Variants in CLN6 observed in about 807,000 individuals in gnomAD.
The protein encoded by CLN6 is ceroid-lipofuscinosis neuronal protein 6.
Under a neutral mutation model 33.3 loss-of-function variants are expected in CLN6, and 22 were observed. That is an observed-to-expected ratio of 0.66 (90% CI 0.47 to 0.94). CLN6 has a LOEUF of 0.94. CLN6 is among the 40% of genes least tolerant of loss of function. CLN6 has a pLI of 0.00. For synonymous variants in CLN6, 201 were observed against 174.6 expected (o/e 1.15, Z -1.19); for missense variants, 387 against 417.1 (o/e 0.93, Z 0.63).
upstream of CLN6, among the ~76,000 whole-genome samples, chr15:68,231,279 C>G (rs2093268214): frequency 1.3e-5 from 2 of 152,100 alleles, no homozygotes; most frequent in Admixed American, 1.3e-4. Context: ...CGCCCCTGGT[C>G]CCCTGAAGAA....
Position 68,210,587 on chromosome 15 carries a change from C to T in CLN6, c.542+676G>A, listed in dbSNP as rs1018388244. Among the ~76,000 whole-genome samples, 7 of 152,284 alleles carry T rather than the reference C, an allele frequency of 4.6e-5. No individual in the cohort carries two copies. Among genetic ancestry groups the T allele is most frequent in the East Asian group, 3.9e-4 (2 of 5,174 alleles). On this transcript the variant is annotated intron_variant, in intron 5 of 6. Transcript: ENST00000249806. This position sits in a 1 kb window ranked among gnomAD's most constrained non-coding sequence, Gnocchi z 5.6. ...GCCCTCACCTCCCAGCTGCAGCCTT[C>T]GGAGCCCTCCTCCCTCTGGCCTCAG...
rs574569363 is a variant in CLN6, at chr15:68,209,962, G to A, written c.543-203C>T. Among the ~76,000 whole-genome samples, 19 of 152,210 alleles carry A rather than the reference G, an allele frequency of 1.2e-4. No individual in the cohort carries two copies. Among genetic ancestry groups the A allele is most frequent in the African/African-American group, 4.6e-4 (19 of 41,522 alleles). On this transcript the variant is annotated intron_variant, in intron 5 of 6. Transcript: ENST00000249806. The surrounding 1 kb of genome is among the most constrained non-coding windows in gnomAD (Gnocchi z 4.9). The stretch of plus-strand genomic sequence containing the variant: ...ACAGAAACAGAAACAGGAAGGCAAC[G>A]CACGTGTGAGTCAGAGGCCCAGAGG...
At chr15:68,214,417 C>T in intron 2 of CLN6, 29 bp from the exon 3 acceptor site, 1 of 1,567,354 alleles carries the variant, frequency 6.4e-7, no homozygotes, top group South Asian at 1.1e-5. Flanking sequence ...AATGGGCTCA[C>T]CTGGGCACAG....
chr15:68,235,084 G>C (rs1469061266), intron 1 of CLN6, among the ~76,000 whole-genome samples: 1 of 152,138 alleles, frequency 6.6e-6, no homozygotes, highest in Non-Finnish European at 1.5e-5. Context: ...CAATTCCTGT[G>C]TGCTAAACCC....
At position 68,218,635 on chromosome 15, in the gene CLN6, G is replaced by A. The variant is rs752449801; in HGVS notation, c.99C>T (p.Ser33=). ...SFLQARHGSV[S]ADEAARTAPF... ...GAGCCGTGCGGGCAGCCTCATCAGC[G>A]CTCACAGAGCCATGCCTGGGAAGGA... The change falls in exon 2 of 7, where the codon AGC becomes AGT. Residue 33 remains serine (S), a synonymous_variant. Transcript: ENST00000249806. 35 of 1,613,236 alleles carry A rather than the reference G, an allele frequency of 2.2e-5. No individual in the cohort carries two copies. The highest frequency in any genetic ancestry group is 4.5e-5 in the East Asian group (2 of 44,880).
upstream of CLN6, among the ~76,000 whole-genome samples, chr15:68,233,525 A>T (rs573828850): frequency 2.6e-3 from 402 of 152,286 alleles, 3 homozygotes; most frequent in African/African-American, 9.2e-3. The surrounding 1 kb of genome is among the most constrained non-coding windows in gnomAD (Gnocchi z 4.3). Flanking sequence ...CTCCACTCCT[A>T]ATCCAGTACC....
chr15:68,226,503 G>C lies in CLN6; in HGVS notation c.83+2999C>G, dbSNP rs567492293. Among the ~76,000 whole-genome samples, 7 of 151,902 alleles carry C rather than the reference G, an allele frequency of 4.6e-5. 1 individual carries two copies. The South Asian group carries it at 1.5e-3, about 32-fold the overall frequency. ...TTTTTTGAGACGGAGTCTCACTCTT[G>C]TTGCCCAGGCTGGAGTATAATGGCG... On this transcript the variant is annotated intron_variant, in intron 1 of 6. Transcript: ENST00000249806.
At chr15:68,248,930 A>G (rs1260284074) in intron 1 of CLN6, among the ~76,000 whole-genome samples, 1 of 152,224 alleles carries the variant, frequency 6.6e-6, no homozygotes, top group Non-Finnish European at 1.5e-5. Context: ...ACCAGAATAT[A>G]CAAGGAACTC....
rs1567094814 is a variant in CLN6 at position 68,208,775 on chromosome 15, C to CG, written c.666-366dup. On this transcript the variant is annotated intron_variant, in intron 6 of 6. Transcript: ENST00000249806. This position sits in a 1 kb window ranked among gnomAD's most constrained non-coding sequence, Gnocchi z 5.8. Reference sequence around the variant, plus strand: ...GGCAGCCACCCCCGCGGCAGGATGCCGGGGTAAGAACCAGCAGGAAGCGCT... The same window carrying CG: ...GGCAGCCACCCCCGCGGCAGGATGCCGGGGGTAAGAACCAGCAGGAAGCGCT... Among the ~76,000 whole-genome samples, 1 of 152,232 alleles carries CG rather than the reference C, an allele frequency of 6.6e-6. No individual in the cohort carries two copies. Among genetic ancestry groups the CG allele is most frequent in the African/African-American group, 2.4e-5 (1 of 41,446 alleles).
chr15:68,240,257 G>C (rs1892269194), intron 1 of CLN6, among the ~76,000 whole-genome samples: 1 of 152,042 alleles, frequency 6.6e-6, no homozygotes. Flanking sequence ...AAATATAAAG[G>C]AAAAATTAAT....
rs911184396 is a variant in CLN6, at chr15:68,220,994, TTTATTTTA to T, written c.84-2352_84-2345del. Among the ~76,000 whole-genome samples the T allele has an allele frequency of 2.0e-5, 2 of 97,940 alleles. No individual in the cohort carries two copies. The highest frequency in any genetic ancestry group is 4.0e-5 in the Non-Finnish European group (2 of 50,364). The allele number at this position is 97,940 out of a possible 152,430, so 64.3% of individuals were successfully genotyped here. A position where few individuals can be genotyped will look rare whatever the true frequency, so the allele number is the denominator to read the frequency against. On this transcript the variant is annotated intron_variant, in intron 1 of 6. Coordinates refer to ENST00000249806, the MANE Select transcript of CLN6 (RefSeq NM_017882.3). This position sits in a 1 kb window ranked among gnomAD's most constrained non-coding sequence, Gnocchi z 4.2. The stretch of plus-strand genomic sequence containing the variant: ...GTGCATGCCACTATGCCCAGCTAAT[TTTATTTTA>T]TTATTATTATTATTATTATTATTAT...
rs937868616 is a variant in CLN6 at position 68,246,461 on chromosome 15, G to A, written c.179+10229C>T. ...CATAGAAATTAAACAACTTACTCCT[G>A]AACAACCAATGGGTCAATGAAGAAA... On this transcript the variant is annotated intron_variant, in intron 1 of 6. Transcript: ENST00000538696. This position sits in a 1 kb window ranked among gnomAD's most constrained non-coding sequence, Gnocchi z 4.5. Among the ~76,000 whole-genome samples, 1 of 151,830 alleles carries A rather than the reference G, an allele frequency of 6.6e-6. No homozygotes were observed. Among genetic ancestry groups the A allele is most frequent in the African/African-American group, 2.4e-5 (1 of 41,276 alleles).
rs1249522942 is a variant in CLN6, at chr15:68,256,765, C to G, written c.104G>C (p.Arg35Pro). The G allele has an allele frequency of 1.4e-6, 1 of 701,994 alleles. No homozygotes were observed. The highest frequency in any genetic ancestry group is 2.3e-4 in the Middle Eastern group (1 of 4,364). 43.5% of individuals were successfully genotyped at this position (701,994 alleles called of 1,614,324 possible). A position where few individuals can be genotyped will look rare whatever the true frequency, so the allele number is the denominator to read the frequency against. ...CGCCTGCGCCAGTGGCTTGAAGGCT[C>G]GGCTCAAGCCCGCCTCGCCTCCCTC... is the stretch of plus-strand genomic sequence containing the variant. Residue 35 changes from arginine (R) to proline (P), a missense_variant, in exon 1 of 7, where the codon CGA becomes CCA. Arg to Pro is a moderately radical substitution (Grantham distance 103). Transcript: ENST00000538696. The surrounding 1 kb of genome is among the most constrained non-coding windows in gnomAD (Gnocchi z 4.1).
At chr15:68,218,734 T>G in intron 1 of CLN6, 84 bp from the exon 2 acceptor site, 1 of 1,007,776 alleles carries the variant, frequency 9.9e-7, no homozygotes, top group East Asian at 2.5e-5. Context: ...CAAAGAGGTC[T>G]GGGGACTTGA....
At chr15:68,254,364 C>G (rs1265430920) in intron 1 of CLN6, among the ~76,000 whole-genome samples, 1 of 152,162 alleles carries the variant, frequency 6.6e-6, no homozygotes, top group Non-Finnish European at 1.5e-5. Context: ...CAGCTTCACT[C>G]TCTAGACTTG....
Position 68,208,154 on chromosome 15 carries a change from T to C in CLN6, c.922A>G (p.Ser308Gly). Residue 308 changes from serine (S) to glycine (G), a missense_variant, in exon 7 of 7, where the codon AGC becomes GGC. By Grantham distance (56) the Ser-to-Gly change is moderately conservative. Transcript: ENST00000249806. This position sits in a 1 kb window ranked among gnomAD's most constrained non-coding sequence, Gnocchi z 5.8. Reference sequence around the variant, plus strand: ...GTGCCAGGGACTCAGTGCCGACTGCTGACGTGAAGGGTGTAGAAAGCCCAG... The same window carrying C: ...GTGCCAGGGACTCAGTGCCGACTGCCGACGTGAAGGGTGTAGAAAGCCCAG... ...EPWAFYTLHV[S>G]SRH 1 of 1,426,150 alleles carries C rather than the reference T, an allele frequency of 7.0e-7. No homozygotes were observed. Among genetic ancestry groups the C allele is most frequent in the Admixed American group, 1.9e-5 (1 of 53,786 alleles). The allele number at this position is 1,426,150 out of a possible 1,614,324, so 88.3% of individuals were successfully genotyped here. A position where few individuals can be genotyped will look rare whatever the true frequency, so the allele number is the denominator to read the frequency against.
chr15:68,231,381 A>G (rs571754432), upstream of CLN6, among the ~76,000 whole-genome samples: 1 of 152,358 alleles, frequency 6.6e-6, no homozygotes, highest in Admixed American at 6.5e-5. Flanking sequence ...TGTAGCAGAG[A>G]AAAACCTAGG....
rs777459938 is a variant in CLN6, at chr15:68,209,709, G to C, written c.593C>G (p.Thr198Ser). ...AATCAAGCTCTCAGCTTTAGAGGCA[G>C]TAAAGCAGCCGCTGAAGTACATGAA... ...ILFMYFSGCF[T>S]ASKAESLIPG... Residue 198 changes from threonine (T) to serine (S), a missense_variant, in exon 6 of 7, where the codon ACT becomes AGT. Physicochemically the swap from Thr to Ser is moderately conservative, Grantham distance 58. Coordinates refer to ENST00000249806, the MANE Select transcript of CLN6 (RefSeq NM_017882.3). The surrounding 1 kb of genome is among the most constrained non-coding windows in gnomAD (Gnocchi z 4.9). 25 of 1,613,716 alleles carry C rather than the reference G, an allele frequency of 1.5e-5. No individual in the cohort carries two copies. Among genetic ancestry groups the C allele is most frequent in the Non-Finnish European group, 2.0e-5 (24 of 1,179,958 alleles).
intron 1 of CLN6, 98 bp downstream of exon 1, chr15:68,229,404 A>G: frequency 1.0e-6 from 1 of 967,596 alleles, no homozygotes. Flanking sequence ...GCCGCACACG[A>G]GGTTCCCGCC....
Sources: allele counts gnomAD v4.1 joint callset (sites outside exome capture counted in the v4.1 genomes callset), GRCh38; gene constraint gnomAD v4.1.1; non-coding constraint Gnocchi (gnomAD v3.1); transcripts MANE v1.5; gene names NCBI Gene and HGNC (gene_info 2026-07-23, HGNC 2026-07-21).